Variants in CD99 observed in about 807,000 individuals in gnomAD.
CD99 encodes CD99 antigen.
In CD99, 19 loss-of-function variants were observed where a neutral mutation model predicts 28.4. That is an observed-to-expected ratio of 0.67 (90% CI 0.47 to 0.98). CD99 has a LOEUF of 0.98. Ranked by LOEUF, CD99 falls within the 50% of genes least tolerant of loss-of-function variation. The pLI is 0.00. For synonymous variants in CD99, 103 were observed against 92.1 expected (o/e 1.12, Z -0.67); for missense variants, 283 against 248.8 (o/e 1.14, Z -0.92).
intron 9 of CD99, among the ~76,000 whole-genome samples, chrX:2,739,816 C>G (rs28408128): frequency 0.16 from 24,624 of 149,722 alleles, 2,225 homozygotes; most frequent in South Asian, 0.39. Flanking sequence ...TGGCTAATGC[C>G]TGTAGTCCCA....
intron 1 of CD99, 104 bp from the exon 2 acceptor site, chrX:2,714,318 T>C: frequency 7.3e-6 from 7 of 958,398 alleles, no homozygotes; most frequent in Non-Finnish European, 1.1e-5. Flanking sequence ...GTTGCTGTTT[T>C]AAATATCACA....
At chrX:2,706,355 G>A (rs1352727093) in intron 1 of CD99, among the ~76,000 whole-genome samples, 3 of 152,050 alleles carry the variant, frequency 2.0e-5, no homozygotes, top group Non-Finnish European at 2.9e-5. Flanking sequence ...GAGACACTCT[G>A]TCTCAAAAAA....
rs1202184219 is a variant in CD99 at position 2,718,405 on chromosome X, G to A, written c.148+753G>A. 2.0e-4 allele frequency among the ~76,000 whole-genome samples: 29 copies of A among 142,372 alleles called. No individual in the cohort carries two copies. The Admixed American group carries it at 2.2e-3, about 11-fold the overall frequency. The allele number at this position is 142,372 out of a possible 152,430, so 93.4% of individuals were successfully genotyped here. On this transcript the variant is annotated intron_variant, in intron 3 of 9. Coordinates refer to ENST00000381192, the MANE Select transcript of CD99 (RefSeq NM_002414.5). The stretch of plus-strand genomic sequence containing the variant: ...TTTTTTTGAGACGGAGTCTCGCTCT[G>A]TCGCCCAGGCTGGAGTGCAGTGGCG...
At chrX:2,693,245 A>G (rs1213676929) in intron 1 of CD99, among the ~76,000 whole-genome samples, 1 of 150,044 alleles carries the variant, frequency 6.7e-6, no homozygotes, top group Non-Finnish European at 1.5e-5. Context: ...TTAAACCCAC[A>G]GCAGTGTTCA....
At chrX:2,710,705 G>T (rs1279792165) in intron 1 of CD99, among the ~76,000 whole-genome samples, 1 of 151,886 alleles carries the variant, frequency 6.6e-6, no homozygotes, top group African/African-American at 2.4e-5. Flanking sequence ...ATGCCCATAG[G>T]GTTTAGAAGT....
intron 1 of CD99, among the ~76,000 whole-genome samples, chrX:2,711,710 G>A (rs1569434777): frequency 6.6e-6 from 1 of 151,942 alleles, no homozygotes; most frequent in Non-Finnish European, 1.5e-5. Flanking sequence ...AAGAAAATAG[G>A]GTATATTCAC....
chrX:2,705,323 G>T (rs2048064967), intron 1 of CD99, among the ~76,000 whole-genome samples: 1 of 152,216 alleles, frequency 6.6e-6, no homozygotes, highest in Non-Finnish European at 1.5e-5. Flanking sequence ...CGGGAAGCTG[G>T]ACCCAGCACT....
intron 1 of CD99, among the ~76,000 whole-genome samples, chrX:2,712,975 TACAC>T (rs200704305): frequency 0.03 from 4,491 of 150,768 alleles, 158 homozygotes; most frequent in East Asian, 0.14. Flanking sequence ...CACCTACACA[TACAC>T]ACACAAACCC....
At chrX:2,718,514 A>G in intron 3 of CD99, among the ~76,000 whole-genome samples, 1 of 152,136 alleles carries the variant, frequency 6.6e-6, no homozygotes, top group East Asian at 1.9e-4. Flanking sequence ...GACTACAGGC[A>G]GCGGCCACCA....
chrX:2,739,766 G>A (rs1174758209), intron 9 of CD99, among the ~76,000 whole-genome samples: 3 of 149,644 alleles, frequency 2.0e-5, no homozygotes, highest in Non-Finnish European at 3.0e-5. Flanking sequence ...CCATTTTAAA[G>A]ATAGAGACTT....
At chrX:2,735,165 A>G (rs898435549) in intron 8 of CD99, among the ~76,000 whole-genome samples, 6 of 152,234 alleles carry the variant, frequency 3.9e-5, no homozygotes, top group African/African-American at 9.6e-5. Context: ...CCACTGCTAG[A>G]CAGTGATCCT....
At position 2,738,198 on chromosome X, in the gene CD99, A is replaced by T. The variant is rs1259279128; in HGVS notation, c.476-2A>T. ...CTCTGTGTATTTTCTTCTTCTTTTC[A>T]GCAGAACAAGGGGAGGTGGACATGG... On this transcript the variant is annotated splice_acceptor_variant, in intron 8 of 9. Transcript: ENST00000381192. LOFTEE classifies it high-confidence loss of function. 6.2e-7 allele frequency: 1 copy of T among 1,613,758 alleles called. No individual in the cohort carries two copies. The highest frequency in any genetic ancestry group is 2.2e-5 in the East Asian group (1 of 44,872).
At chrX:2,705,227 C>T (rs2048061202) in intron 1 of CD99, among the ~76,000 whole-genome samples, 1 of 152,272 alleles carries the variant, frequency 6.6e-6, no homozygotes, top group South Asian at 2.1e-4. Context: ...TTGGTGAACT[C>T]GGAGTTCCTT....
intron 1 of CD99, among the ~76,000 whole-genome samples, chrX:2,701,366 G>A (rs1221727270): frequency 1.3e-5 from 2 of 152,116 alleles, no homozygotes; most frequent in Non-Finnish European, 2.9e-5. Flanking sequence ...GCTATTTGCT[G>A]TGGTCCCTGT....
chrX:2,725,064 C>T (rs1295378037), intron 7 of CD99, among the ~76,000 whole-genome samples: 26 of 147,872 alleles, frequency 1.8e-4, no homozygotes, highest in Middle Eastern at 3.4e-3. Flanking sequence ...TCTGTCTCCC[C>T]GCCAAAAAAA....
intron 5 of CD99, among the ~76,000 whole-genome samples, chrX:2,721,388 T>C (rs1603282425): frequency 6.6e-6 from 1 of 152,196 alleles, no homozygotes; most frequent in African/African-American, 2.4e-5. Context: ...CTCCAACTCC[T>C]GGGCTAGAGA....
At chrX:2,719,058 G>A in intron 3 of CD99, 1 of 154,174 alleles carries the variant, frequency 6.5e-6, no homozygotes. Context: ...ACATGCTGTT[G>A]GGTGGATGCC....
At chrX:2,716,100 C>G (rs956702274) in intron 2 of CD99, among the ~76,000 whole-genome samples, 1 of 151,436 alleles carries the variant, frequency 6.6e-6, no homozygotes, top group African/African-American at 2.4e-5. Context: ...CTCACTGCAA[C>G]CTCTGCCTCC....
chrX:2,716,686 T>G (rs2048737378), intron 2 of CD99, among the ~76,000 whole-genome samples: 1 of 152,236 alleles, frequency 6.6e-6, no homozygotes, highest in Non-Finnish European at 1.5e-5. Flanking sequence ...TTTTATGTCC[T>G]GTGGTGCAGT....
Sources: gnomAD v4.1 joint callset for allele counts (sites outside exome capture counted in the v4.1 genomes callset) on GRCh38, gnomAD v4.1.1 for gene constraint, MANE v1.5 for transcripts, NCBI Gene and HGNC (gene_info 2026-07-23, HGNC 2026-07-21) for gene names.